Variants in NCOA1 observed in about 807,000 individuals in gnomAD.
NCOA1 encodes nuclear receptor coactivator 1, also known as Hin-2 protein.
In NCOA1, 35 loss-of-function variants were observed where a neutral mutation model predicts 150.9. The observed-to-expected ratio is 0.23, with a 90% CI of 0.18 to 0.31. The LOEUF (loss-of-function observed/expected upper bound fraction) is 0.31. Among genes scored for constraint, NCOA1 ranks in the 10% least tolerant of loss-of-function variants. The probability of loss-of-function intolerance (pLI) is 1.00; values close to 1 mark genes in which losing one functional copy is unlikely to be tolerated. For missense variants in NCOA1, 1,491 were observed against 1,749.3 expected (o/e 0.85, Z 2.63); for synonymous variants, 590 against 630.0 (o/e 0.94, Z 0.95).
intron 1 of NCOA1, among the ~76,000 whole-genome samples, chr2:24,493,787 T>C (rs1663080610): frequency 6.6e-6 from 1 of 152,330 alleles, no homozygotes; most frequent in East Asian, 1.9e-4. Flanking sequence ...TCCCAAGAAC[T>C]TGCTTATGCC....
intron 1 of NCOA1, among the ~76,000 whole-genome samples, chr2:24,495,992 T>C (rs1663193519): frequency 6.6e-6 from 1 of 152,228 alleles, no homozygotes; most frequent in Non-Finnish European, 1.5e-5. Context: ...AATTTTTTCC[T>C]TTATTTCTGG....
At chr2:24,625,821 TC>T (rs1459289000) in intron 3 of NCOA1, among the ~76,000 whole-genome samples, 2 of 152,138 alleles carry the variant, frequency 1.3e-5, no homozygotes, top group African/African-American at 4.8e-5. Context: ...TTGGAGTTTT[TC>T]TAAATGTCTT....
chr2:24,551,573 G>A (rs988948107), intron 1 of NCOA1, among the ~76,000 whole-genome samples: 16 of 152,040 alleles, frequency 1.1e-4, no homozygotes, highest in African/African-American at 3.9e-4. Context: ...CCCACTACTT[G>A]TTTTTGTAAA....
intron 3 of NCOA1, among the ~76,000 whole-genome samples, chr2:24,639,842 C>T (rs1447979227): frequency 1.4e-5 from 2 of 145,710 alleles, no homozygotes; most frequent in South Asian, 2.2e-4. Context: ...GAGCAGAGAT[C>T]GTGCTATTGC....
chr2:24,608,290 A>ATTG (rs1668462899), intron 3 of NCOA1, among the ~76,000 whole-genome samples: 1 of 139,012 alleles, frequency 7.2e-6, no homozygotes, highest in East Asian at 2.1e-4. Flanking sequence ...TATTATTATT[A>ATTG]TTATTATTTT....
chr2:24,647,304 A>G (rs550491394), intron 4 of NCOA1, among the ~76,000 whole-genome samples: 3 of 152,294 alleles, frequency 2.0e-5, no homozygotes, highest in Admixed American at 2.0e-4. Flanking sequence ...AAATTCTGGA[A>G]CCAGATTACC....
At chr2:24,498,742 G>A (rs1663329645) in intron 1 of NCOA1, among the ~76,000 whole-genome samples, 1 of 152,136 alleles carries the variant, frequency 6.6e-6, no homozygotes, top group South Asian at 2.1e-4. Flanking sequence ...AATGGAGGGA[G>A]GTGGTGGGGA....
At chr2:24,544,727 A>G (rs1365136950) in intron 1 of NCOA1, among the ~76,000 whole-genome samples, 1 of 152,220 alleles carries the variant, frequency 6.6e-6, no homozygotes, top group Non-Finnish European at 1.5e-5. Context: ...TGACAGAATG[A>G]GACCCTGTCT....
intron 3 of NCOA1, among the ~76,000 whole-genome samples, chr2:24,588,320 C>T (rs866347915): frequency 1.8e-4 from 27 of 152,288 alleles, no homozygotes; most frequent in African/African-American, 6.5e-4. Flanking sequence ...CAGCCTCAAG[C>T]AATCCTCCCA....
chr2:24,748,723 A>G (rs1485312603), intron 19 of NCOA1, among the ~76,000 whole-genome samples: 1 of 152,054 alleles, frequency 6.6e-6, no homozygotes, highest in Non-Finnish European at 1.5e-5. Context: ...AAATAAACCA[A>G]GTAAAAAGAG....
At chr2:24,635,346 C>A (rs1226978273) in intron 3 of NCOA1, among the ~76,000 whole-genome samples, 3 of 152,110 alleles carry the variant, frequency 2.0e-5, no homozygotes, top group Non-Finnish European at 4.4e-5. Context: ...CATGGTTTCC[C>A]TGTTCCCTTG....
chr2:24,718,808 G>T (rs1674197282), intron 14 of NCOA1, among the ~76,000 whole-genome samples: 1 of 150,940 alleles, frequency 6.6e-6, no homozygotes, highest in Non-Finnish European at 1.5e-5. Context: ...GGCAGAGCTG[G>T]CAGTGAGCCG....
intron 6 of NCOA1, 85 bp downstream of exon 6, chr2:24,666,000 A>G: frequency 1.3e-6 from 1 of 791,776 alleles, no homozygotes; most frequent in Non-Finnish European, 1.6e-6. Context: ...TATTATTATT[A>G]TTATTATTTT....
rs1368675478 is a variant in NCOA1 at position 24,536,747 on chromosome 2, C to G, written c.-395-27548C>G. Among the ~76,000 whole-genome samples, 7 of 152,156 alleles carry G rather than the reference C, an allele frequency of 4.6e-5. No homozygotes were observed. In the South Asian group the frequency reaches 1.2e-3, roughly 27 times the overall value. On this transcript the variant is annotated intron_variant, in intron 1 of 22. Coordinates refer to ENST00000348332, the MANE Select transcript of NCOA1 (RefSeq NM_003743.5). The stretch of plus-strand genomic sequence containing the variant: ...TCTGTTGGAGTTTGCTGGAGGTCCA[C>G]TCCAGACCCTGTTTGTGTGGGTCTC...
At chr2:24,640,064 G>T (rs1670136904) in intron 3 of NCOA1, among the ~76,000 whole-genome samples, 1 of 149,834 alleles carries the variant, frequency 6.7e-6, no homozygotes, top group Non-Finnish European at 1.5e-5. Context: ...AATTTCCATT[G>T]CATTTTCTTC....
At chr2:24,757,908 A>G in intron 20 of NCOA1, 65 bp from the exon 21 acceptor site, 2 of 1,508,192 alleles carry the variant, frequency 1.3e-6, no homozygotes, top group African/African-American at 1.4e-5. Context: ...TGGAAACAGA[A>G]TCTAGTCATA....
Position 24,543,211 on chromosome 2 carries a change from A to G in NCOA1, c.-395-21084A>G, listed in dbSNP as rs142945963. Among the ~76,000 whole-genome samples, 735 of 152,334 alleles carry G rather than the reference A, an allele frequency of 4.8e-3. 4 individuals are homozygous for G. The highest frequency in any genetic ancestry group is 8.4e-3 in the Non-Finnish European group (570 of 68,034). ...TGGAAAAGCAGAAAAGGGAGTGGGCATGTACAAAGAGATCACATCGTGAGA... is the reference window on the plus strand; with the variant it reads ...TGGAAAAGCAGAAAAGGGAGTGGGCGTGTACAAAGAGATCACATCGTGAGA... On this transcript the variant is annotated intron_variant, in intron 1 of 22. Transcript: ENST00000348332.
chr2:24,500,151 C>T (rs1663397803), intron 1 of NCOA1, among the ~76,000 whole-genome samples: 1 of 152,096 alleles, frequency 6.6e-6, no homozygotes, highest in African/African-American at 2.4e-5. Flanking sequence ...TCTTGTCGCC[C>T]AGGCTGGAGT....
intron 8 of NCOA1, among the ~76,000 whole-genome samples, chr2:24,684,561 G>A (rs1189025585): frequency 6.6e-6 from 1 of 152,236 alleles, no homozygotes; most frequent in Non-Finnish European, 1.5e-5. Context: ...CTGCTTACAA[G>A]ACAGTGATCC....
Sources: allele counts gnomAD v4.1 joint callset (sites outside exome capture counted in the v4.1 genomes callset), GRCh38; gene constraint gnomAD v4.1.1; transcripts MANE v1.5; gene names NCBI Gene and HGNC (gene_info 2026-07-23, HGNC 2026-07-21).